CSRNP3: variants seen among roughly 807,000 people sequenced by gnomAD.
CSRNP3 encodes the protein cysteine/serine-rich nuclear protein 3.
CSRNP3 carries 12 observed loss-of-function variants against 48.0 expected under a neutral mutation model. The observed-to-expected ratio is 0.25, with a 90% CI of 0.16 to 0.41. The LOEUF (loss-of-function observed/expected upper bound fraction) is 0.41, where lower values mean the gene tolerates loss of function less well. Among genes scored for constraint, CSRNP3 ranks in the 10% least tolerant of loss-of-function variants. The pLI is 1.00. For synonymous variants in CSRNP3, 263 were observed against 269.7 expected (o/e 0.98, Z 0.24); for missense variants, 580 against 724.4 (o/e 0.80, Z 2.29).
At chr2:165,491,046 C>T (rs1684199652) in intron 1 of CSRNP3, among the ~76,000 whole-genome samples, 1 of 137,906 alleles carries the variant, frequency 7.3e-6, no homozygotes, top group Non-Finnish European at 1.6e-5. Context: ...TCGCAACCTA[C>T]TCGTCTGACA....
intron 3 of CSRNP3, among the ~76,000 whole-genome samples, chr2:165,533,681 G>C (rs1331089946): frequency 2.0e-5 from 3 of 152,006 alleles, no homozygotes; most frequent in African/African-American, 4.8e-5. Flanking sequence ...TTTTTGTCAA[G>C]CTAAAATAAT....
chr2:165,652,843 A>G (rs1213258983), intron 4 of CSRNP3, among the ~76,000 whole-genome samples: 9 of 152,168 alleles, frequency 5.9e-5, no homozygotes, highest in Non-Finnish European at 1.3e-4. Context: ...CGCGCTGGCC[A>G]AAAACAGACT....
chr2:165,573,042 G>A (rs546092383), intron 3 of CSRNP3, among the ~76,000 whole-genome samples: 127 of 151,946 alleles, frequency 8.4e-4, no homozygotes, highest in African/African-American at 2.5e-3. Context: ...GCAAAAGGAA[G>A]GTTTGGAATA....
At chr2:165,608,790 A>T (rs5836046) in intron 4 of CSRNP3, among the ~76,000 whole-genome samples, 15 of 5,396 alleles carry the variant, frequency 2.8e-3, no homozygotes, top group Admixed American at 3.3e-3. Context: ...TAAAAAAATT[A>T]AAAAAAAAAA....
chr2:165,641,043 TC>T (rs1454865976), intron 4 of CSRNP3, among the ~76,000 whole-genome samples: 1 of 152,224 alleles, frequency 6.6e-6, no homozygotes, highest in Non-Finnish European at 1.5e-5. Context: ...TTTACATAGT[TC>T]CATCTCTTGT....
chr2:165,493,398 G>A (rs763935872), intron 1 of CSRNP3, among the ~76,000 whole-genome samples: 4 of 152,076 alleles, frequency 2.6e-5, no homozygotes, highest in Non-Finnish European at 5.9e-5. Flanking sequence ...TTCAGATAGT[G>A]TGTTGAGCTG....
chr2:165,573,373 G>T (rs1685401246), intron 3 of CSRNP3, among the ~76,000 whole-genome samples: 1 of 152,138 alleles, frequency 6.6e-6, no homozygotes. Context: ...TATAAAATAT[G>T]TACACACATG....
At chr2:165,589,899 A>G (rs1558942856) in intron 3 of CSRNP3, among the ~76,000 whole-genome samples, 1 of 152,178 alleles carries the variant, frequency 6.6e-6, no homozygotes, top group Non-Finnish European at 1.5e-5. Flanking sequence ...GGGGAAGAAG[A>G]ACATGGTTTC....
In CSRNP3 at chr2:165,502,253, C is replaced by A. The variant is rs190882983; in HGVS notation, c.-113+7325C>A. On this transcript the variant is annotated intron_variant, in intron 2 of 6. Transcript: ENST00000651982. ...ATATTCACATTTATAAAGAAGTTTG[C>A]AAAATTATATTAATTTCATCAATGT... 5.3e-3 allele frequency among the ~76,000 whole-genome samples: 810 copies of A among 151,816 alleles called. 2 individuals are homozygous for A. Among genetic ancestry groups the A allele is most frequent in the Non-Finnish European group, 8.4e-3 (568 of 67,868 alleles).
At chr2:165,553,063 T>C (rs1292306403) in intron 3 of CSRNP3, among the ~76,000 whole-genome samples, 4 of 152,200 alleles carry the variant, frequency 2.6e-5, no homozygotes, top group Non-Finnish European at 5.9e-5. Flanking sequence ...TTTGTGATTA[T>C]GTTCTCCAAC....
At chr2:165,667,530 T>C (rs1252122904) in intron 5 of CSRNP3, among the ~76,000 whole-genome samples, 1 of 152,198 alleles carries the variant, frequency 6.6e-6, no homozygotes, top group African/African-American at 2.4e-5. Flanking sequence ...TGCACAACCA[T>C]AACTTCAAGC....
At chr2:165,492,360 C>G (rs1003598372) in intron 1 of CSRNP3, among the ~76,000 whole-genome samples, 2 of 152,106 alleles carry the variant, frequency 1.3e-5, no homozygotes, top group Admixed American at 6.6e-5. Context: ...AGCCAAAGTC[C>G]TTGAAGGCTC....
chr2:165,639,073 CCAACAACACCATAACTTATGCCT>C (rs1027591932), intron 4 of CSRNP3, among the ~76,000 whole-genome samples: 6 of 152,202 alleles, frequency 3.9e-5, no homozygotes, highest in African/African-American at 1.4e-4. Flanking sequence ...AAACTTATGA[CCAACAACACCATAACTTATGCCT>C]GAAAAAAACA....
chr2:165,520,683 T>C (rs1402734772), intron 3 of CSRNP3, among the ~76,000 whole-genome samples: 1 of 130,944 alleles, frequency 7.6e-6, no homozygotes, highest in East Asian at 2.3e-4. Context: ...ATTTAGAGGC[T>C]CTCTCTGTAT....
chr2:165,580,224 T>G (rs1014775058), intron 3 of CSRNP3, among the ~76,000 whole-genome samples: 1 of 152,172 alleles, frequency 6.6e-6, no homozygotes, highest in African/African-American at 2.4e-5. Flanking sequence ...CTCTAAACAG[T>G]GAATGTCCAA....
Position 165,510,639 on chromosome 2 carries a change from C to T in CSRNP3, c.-112-7234C>T, listed in dbSNP as rs147294520. ...TTGAGCACTTTAGTAAATGATAATG[C>T]CATTTCCTGATATAAAGAAGCCCAG... On this transcript the variant is annotated intron_variant, in intron 2 of 6. Coordinates refer to ENST00000651982, the MANE Select transcript of CSRNP3 (RefSeq NM_001172173.2). 2.5e-3 allele frequency among the ~76,000 whole-genome samples: 382 copies of T among 152,224 alleles called. 1 individual carries two copies. Among genetic ancestry groups the T allele is most frequent in the East Asian group, 4.1e-3 (21 of 5,182 alleles).
intron 5 of CSRNP3, 44 bp from the exon 6 acceptor site, chr2:165,676,268 C>A (rs766483883): frequency 1.7e-5 from 25 of 1,505,336 alleles, no homozygotes; most frequent in Non-Finnish European, 2.2e-5. Context: ...AGATTTTGTA[C>A]CCTGCCCTTA....
intron 5 of CSRNP3, among the ~76,000 whole-genome samples, chr2:165,673,677 T>C (rs1182928381): frequency 1.3e-5 from 2 of 152,212 alleles, no homozygotes; most frequent in African/African-American, 4.8e-5. Context: ...ATGTTGACTT[T>C]TAGATTTCAT....
intron 3 of CSRNP3, among the ~76,000 whole-genome samples, chr2:165,529,187 A>G (rs1365470434): frequency 6.6e-6 from 1 of 152,172 alleles, no homozygotes; most frequent in Non-Finnish European, 1.5e-5. Flanking sequence ...CTTTGGGGGA[A>G]CTGTTGGGAA....
Sources: allele counts gnomAD v4.1 joint callset (sites outside exome capture counted in the v4.1 genomes callset), GRCh38; gene constraint gnomAD v4.1.1; transcripts MANE v1.5; gene names NCBI Gene and HGNC (gene_info 2026-07-23, HGNC 2026-07-21).